The following ARMC8 variants were observed in gnomAD, a reference collection of about 807,000 sequenced individuals.
ARMC8 encodes the protein armadillo repeat-containing protein 8.
A neutral mutation model predicts 99.3 loss-of-function variants in ARMC8; 20 were observed. The observed-to-expected ratio is 0.20, with a 90% CI of 0.14 to 0.29. The LOEUF is 0.29. Ranked by LOEUF, ARMC8 falls within the 10% of genes least tolerant of loss-of-function variation. The pLI is 1.00. For synonymous variants in ARMC8, 263 were observed against 278.3 expected (o/e 0.95, Z 0.55); for missense variants, 569 against 809.5 (o/e 0.70, Z 3.60).
At chr3:138,252,201 G>A (rs558263421) in intron 12 of ARMC8, among the ~76,000 whole-genome samples, 19 of 152,180 alleles carry the variant, frequency 1.2e-4, no homozygotes, top group Admixed American at 3.9e-4. Flanking sequence ...TTTGATGGTT[G>A]GGGGAATTAA....
chr3:138,280,579 C>T (rs925625634), intron 18 of ARMC8, among the ~76,000 whole-genome samples: 11 of 150,246 alleles, frequency 7.3e-5, no homozygotes, highest in African/African-American at 2.5e-4. Flanking sequence ...CTGCAAGCTC[C>T]GTCTTCCGGG....
In ARMC8 at chr3:138,201,436, C is replaced by CCTTT. The variant is rs2044064743; in HGVS notation, c.46-8381_46-8380insCTTT. 1.1e-4 allele frequency among the ~76,000 whole-genome samples: 7 copies of CCTTT among 64,932 alleles called. 1 individual carries two copies. The highest frequency in any genetic ancestry group is 2.4e-4 in the Non-Finnish European group (7 of 29,392). The allele number at this position is 64,932 out of a possible 152,430, so 42.6% of individuals were successfully genotyped here. ...TAGAGTCCTTGTCTTCTTCCCCTCC[C>CCTTT]TTTTTTTTTTTTTTTTTTTTTTTTT... is the stretch of plus-strand genomic sequence containing the variant. On this transcript the variant is annotated intron_variant, in intron 1 of 21. Transcript: ENST00000469044.
intron 1 of ARMC8, among the ~76,000 whole-genome samples, chr3:138,196,898 T>C (rs752400805): frequency 1.3e-5 from 2 of 152,080 alleles, no homozygotes; most frequent in Non-Finnish European, 2.9e-5. Flanking sequence ...TCATTTAAAA[T>C]CATTTTGGAA....
intron 1 of ARMC8, among the ~76,000 whole-genome samples, chr3:138,196,437 A>G (rs930064485): frequency 6.6e-6 from 1 of 152,184 alleles, no homozygotes; most frequent in African/African-American, 2.4e-5. Flanking sequence ...TTTAAGGATG[A>G]GAATCTCAAT....
intron 1 of ARMC8, among the ~76,000 whole-genome samples, chr3:138,204,168 A>G (rs764583442): frequency 6.6e-6 from 1 of 151,960 alleles, no homozygotes; most frequent in African/African-American, 2.4e-5. Context: ...ATCTTGGCTC[A>G]TTGCAACCTC....
At chr3:138,261,624 T>C (rs1386826582) in intron 12 of ARMC8, 3 of 152,276 alleles carry the variant, frequency 2.0e-5, no homozygotes, top group Admixed American at 2.0e-4. Context: ...TATATGCCCA[T>C]TTAAAGATGG....
intron 20 of ARMC8, 48 bp from the exon 21 acceptor site, chr3:138,290,498 A>G: frequency 1.5e-6 from 2 of 1,344,156 alleles, no homozygotes; most frequent in Non-Finnish European, 2.1e-6. Flanking sequence ...CATCAAAGAG[A>G]GCATTTGCCT....
chr3:138,204,097 A>T (rs923805420), intron 1 of ARMC8, among the ~76,000 whole-genome samples: 1 of 152,094 alleles, frequency 6.6e-6, no homozygotes, highest in African/African-American at 2.4e-5. Flanking sequence ...GAGAACTTTC[A>T]CAAGCTCTCA....
chr3:138,187,537 C>G lies in ARMC8; in HGVS notation c.-18C>G. The G allele has an allele frequency of 6.5e-7, 1 of 1,535,524 alleles. No individual in the cohort carries two copies. Among genetic ancestry groups the G allele is most frequent in the Non-Finnish European group, 8.7e-7 (1 of 1,146,506 alleles). On this transcript the variant is annotated 5_prime_UTR_variant, in exon 1 of 22. Coordinates refer to ENST00000469044, the MANE Select transcript of ARMC8 (RefSeq NM_001363941.2). Reference sequence around the variant, plus strand: ...CCCCCGCGCCGGCGCCTGCAGCAGCCGGGTGGGAAGGCTCAAGATGGCGTG... The same window carrying G: ...CCCCCGCGCCGGCGCCTGCAGCAGCGGGGTGGGAAGGCTCAAGATGGCGTG...
intron 12 of ARMC8, chr3:138,245,969 A>T: frequency 1.0e-6 from 1 of 985,466 alleles, no homozygotes; most frequent in Non-Finnish European, 1.2e-6. Flanking sequence ...TTGAGGAGCC[A>T]TAGCAGAAAG....
intron 13 of ARMC8, 42 bp downstream of exon 13, chr3:138,263,863 T>C (rs766061401): frequency 1.9e-6 from 3 of 1,559,748 alleles, no homozygotes; most frequent in Admixed American, 3.3e-5. Flanking sequence ...TTTTGCCATA[T>C]ATTTAACCTG....
At position 138,187,473 on chromosome 3, in the gene ARMC8, G is replaced by A. The variant is rs2043124679; in HGVS notation, c.-82G>A. 1.4e-6 allele frequency: 2 copies of A among 1,432,334 alleles called. No homozygotes were observed. Among genetic ancestry groups the A allele is most frequent in the Non-Finnish European group, 1.9e-6 (2 of 1,053,524 alleles). The allele number at this position is 1,432,334 out of a possible 1,614,324, so 88.7% of individuals were successfully genotyped here. A position where few individuals can be genotyped will look rare whatever the true frequency, so the allele number is the denominator to read the frequency against. Reference sequence around the variant, plus strand: ...TATCTGGCTGCCTTTAGGGAGCGGTGCCTAGCGTTGGCCAATAGTTGGCTG... The same window carrying A: ...TATCTGGCTGCCTTTAGGGAGCGGTACCTAGCGTTGGCCAATAGTTGGCTG... On this transcript the variant is annotated 5_prime_UTR_variant, in exon 1 of 22. Transcript: ENST00000469044.
intron 10 of ARMC8, among the ~76,000 whole-genome samples, chr3:138,239,847 CATTAA>C (rs1331404432): frequency 6.6e-6 from 1 of 152,092 alleles, no homozygotes; most frequent in Non-Finnish European, 1.5e-5. Flanking sequence ...TCTTGATTGT[CATTAA>C]ATTTGTACTA....
chr3:138,284,117 A>T (rs1332939418), intron 18 of ARMC8, among the ~76,000 whole-genome samples: 1 of 152,232 alleles, frequency 6.6e-6, no homozygotes, highest in Admixed American at 6.5e-5. Context: ...TTTCAAGAAA[A>T]ATAATAAGTT....
chr3:138,269,942 G>C, intron 15 of ARMC8, 98 bp from the exon 16 acceptor site: 1 of 646,854 alleles, frequency 1.5e-6, no homozygotes, highest in Non-Finnish European at 2.6e-6. Flanking sequence ...AATTGAGTAA[G>C]AGTGGGGAAG....
chr3:138,212,971 A>G (rs2044789531), intron 2 of ARMC8, among the ~76,000 whole-genome samples: 2 of 152,180 alleles, frequency 1.3e-5, no homozygotes, highest in African/African-American at 4.8e-5. Context: ...TTTCTCAATA[A>G]ATGTTGTGAA....
At chr3:138,253,370 T>C (rs2047231329) in intron 12 of ARMC8, among the ~76,000 whole-genome samples, 1 of 152,180 alleles carries the variant, frequency 6.6e-6, no homozygotes, top group African/African-American at 2.4e-5. Flanking sequence ...GATCAGGAAA[T>C]CAGCAATTTG....
chr3:138,208,445 C>A (rs768535074), intron 1 of ARMC8, among the ~76,000 whole-genome samples: 6 of 152,142 alleles, frequency 3.9e-5, no homozygotes, highest in Non-Finnish European at 8.8e-5. Context: ...CTAGCCTGGG[C>A]AACAGAGCGA....
chr3:138,279,616 A>G (rs115617962), intron 18 of ARMC8, among the ~76,000 whole-genome samples: 2,330 of 152,116 alleles, frequency 0.015, 61 homozygotes, highest in African/African-American at 0.051. Context: ...AGAATTAATT[A>G]TTTTTTTCTT....
Sources: allele counts gnomAD v4.1 joint callset (sites outside exome capture counted in the v4.1 genomes callset), GRCh38; gene constraint gnomAD v4.1.1; transcripts MANE v1.5; gene names NCBI Gene and HGNC (gene_info 2026-07-23, HGNC 2026-07-21).